The following COL5A3 variants were observed in gnomAD, a reference collection of about 807,000 sequenced individuals.
COL5A3 encodes the protein collagen alpha-3(V) chain.
In COL5A3, 172 loss-of-function variants were observed where a neutral mutation model predicts 250.0. The ratio of observed to expected loss-of-function variants is 0.69; its 90% CI spans 0.61 to 0.78. The LOEUF is 0.78. Ranked by LOEUF, COL5A3 falls within the 30% of genes least tolerant of loss-of-function variation. COL5A3 has a pLI of 0.00. For missense variants in COL5A3, 2,340 were observed against 2,334.4 expected, an observed-to-expected ratio of 1.00 and a Z score of -0.05; for synonymous variants, 937 against 900.4, an observed-to-expected ratio of 1.04 and a Z score of -0.73.
rs1295870303 is a variant in COL5A3 at position 10,010,475 on chromosome 19, G to A, written c.-90C>T. 16 of 855,894 alleles carry A rather than the reference G, an allele frequency of 1.9e-5. No individual in the cohort carries two copies. Among genetic ancestry groups the A allele is most frequent in the Non-Finnish European group, 2.4e-5 (15 of 621,992 alleles). The allele number at this position is 855,894 out of a possible 1,614,324, so 53.0% of individuals were successfully genotyped here. A position where few individuals can be genotyped will look rare whatever the true frequency, so the allele number is the denominator to read the frequency against. On this transcript the variant is annotated 5_prime_UTR_variant, in exon 1 of 67. Coordinates refer to ENST00000264828, the MANE Select transcript of COL5A3 (RefSeq NM_015719.4). ...CGGGCTCGGTGCAGTCACTCGCGGC[G>A]GCCGCTCCTCTCAGGGTCCGCGGGA...
At chr19:9,982,746 A>G (rs2087027972) in intron 31 of COL5A3, among the ~76,000 whole-genome samples, 1 of 152,182 alleles carries the variant, frequency 6.6e-6, no homozygotes, top group South Asian at 2.1e-4. Flanking sequence ...CAGAAAAGAC[A>G]GTTGCCCAAG....
intron 1 of COL5A3, 108 bp from the exon 2 acceptor site, chr19:10,006,339 C>G: frequency 9.2e-7 from 1 of 1,089,806 alleles, no homozygotes; most frequent in Non-Finnish European, 1.3e-6. Flanking sequence ...CTCAGCCTCT[C>G]CCTCCCTCCC....
chr19:10,008,259 C>T (rs2087470595), intron 1 of COL5A3, among the ~76,000 whole-genome samples: 1 of 152,190 alleles, frequency 6.6e-6, no homozygotes, highest in Admixed American at 6.5e-5. Context: ...GAGGGTCTTC[C>T]CTCAACTACC....
At chr19:9,971,316 A>G in intron 51 of COL5A3, 58 bp from the exon 52 acceptor site, 2 of 1,300,506 alleles carry the variant, frequency 1.5e-6, no homozygotes, top group South Asian at 1.4e-5. Flanking sequence ...TCATGCATTT[A>G]TGGAACAGAT....
At chr19:9,972,560 G>T (rs3745586) in intron 51 of COL5A3, among the ~76,000 whole-genome samples, 1 of 152,010 alleles carries the variant, frequency 6.6e-6, no homozygotes, top group Non-Finnish European at 1.5e-5. Context: ...AGTTTTGGCC[G>T]AGCGCGGTGG....
chr19:10,009,163 T>TG lies in COL5A3; in HGVS notation c.88+1134dup, dbSNP rs1791490176. Among the ~76,000 whole-genome samples, 1 of 34,734 alleles carries TG rather than the reference T, an allele frequency of 2.9e-5. No homozygotes were observed. Among genetic ancestry groups the TG allele is most frequent in the African/African-American group, 1.7e-4 (1 of 5,900 alleles). The allele number at this position is 34,734 out of a possible 152,430, so 22.8% of individuals were successfully genotyped here. ...CTCCAAAGTAAGAAGTGTGCTGTGG[T>TG]GTGTGTGTGTGTGTGTGTGTGTGTG... On this transcript the variant is annotated intron_variant, in intron 1 of 66. Coordinates refer to ENST00000264828, the MANE Select transcript of COL5A3 (RefSeq NM_015719.4). The surrounding 1 kb of genome is among the most constrained non-coding windows in gnomAD (Gnocchi z 4.4).
rs12611075 is a variant in COL5A3, at chr19:9,980,556, G to A, written c.2604+92C>T. 3.8e-3 allele frequency: 5,765 copies of A among 1,521,440 alleles called. 157 individuals are homozygous for A. The East Asian group carries it at 0.075, about 20-fold the overall frequency. The allele number at this position is 1,521,440 out of a possible 1,614,324, so 94.2% of individuals were successfully genotyped here. The stretch of plus-strand genomic sequence containing the variant: ...TGTGCTCTTACCACTGCATTATAAT[G>A]TCTCTTCATCTCTTGGGTTTGTCCT... On this transcript the variant is annotated intron_variant, in intron 35 of 66. Transcript: ENST00000264828.
At position 9,970,856 on chromosome 19, in the gene COL5A3, G is replaced by A. The variant is rs528401822; in HGVS notation, c.3882+119C>T. 367 of 1,101,166 alleles carry A rather than the reference G, an allele frequency of 3.3e-4. 4 individuals are homozygous for A. The East Asian group carries it at 4.4e-3, about 13-fold the overall frequency. The allele number at this position is 1,101,166 out of a possible 1,614,324, so 68.2% of individuals were successfully genotyped here. A position where few individuals can be genotyped will look rare whatever the true frequency, so the allele number is the denominator to read the frequency against. ...CTGGGGGTCCCCAGAGAGGTGAAGCGGGAGCATCTGCAGGGGCCTTGGGTA... is the reference window on the plus strand; with the variant it reads ...CTGGGGGTCCCCAGAGAGGTGAAGCAGGAGCATCTGCAGGGGCCTTGGGTA... On this transcript the variant is annotated intron_variant, in intron 53 of 66. Coordinates refer to ENST00000264828, the MANE Select transcript of COL5A3 (RefSeq NM_015719.4).
chr19:9,962,057 T>A (rs1173434046), intron 65 of COL5A3, among the ~76,000 whole-genome samples: 1 of 152,032 alleles, frequency 6.6e-6, no homozygotes, highest in East Asian at 1.9e-4. Context: ...ATGTAAAATC[T>A]CCATCAGATT....
At chr19:9,962,013 TA>T (rs1262437536) in intron 65 of COL5A3, among the ~76,000 whole-genome samples, 1 of 152,150 alleles carries the variant, frequency 6.6e-6, no homozygotes, top group Non-Finnish European at 1.5e-5. Flanking sequence ...ATATTCCCAA[TA>T]AAATTTAGCA....
At position 10,005,458 on chromosome 19, in the gene COL5A3, G is replaced by A. The variant is rs564295558; in HGVS notation, c.594+100C>T. 1.8e-4 allele frequency: 220 copies of A among 1,250,410 alleles called. No individual in the cohort carries two copies. The African/African-American group carries it at 2.9e-3, about 16-fold the overall frequency. The allele number at this position is 1,250,410 out of a possible 1,614,324, so 77.5% of individuals were successfully genotyped here. On this transcript the variant is annotated intron_variant, in intron 4 of 66. Coordinates refer to ENST00000264828, the MANE Select transcript of COL5A3 (RefSeq NM_015719.4). ...TCCCTTAGCTTCCTGGGGATAGATT[G>A]AAGCTTGACATCTTCCTTCTTTAAT...
intron 27 of COL5A3, 44 bp from the exon 28 acceptor site, chr19:9,986,802 A>G: frequency 6.2e-7 from 1 of 1,607,194 alleles, no homozygotes; most frequent in Non-Finnish European, 8.5e-7. Context: ...TTCCCTGCTT[A>G]AGAAGTGACC....
chr19:9,999,028 C>G (rs879390136), intron 8 of COL5A3, among the ~76,000 whole-genome samples: 15 of 131,534 alleles, frequency 1.1e-4, no homozygotes, highest in African/African-American at 4.2e-4. Flanking sequence ...CTTTCTTTCT[C>G]TTTCTTTTTC....
chr19:10,004,566 A>C (rs2087413565), intron 4 of COL5A3, among the ~76,000 whole-genome samples: 1 of 152,172 alleles, frequency 6.6e-6, no homozygotes, highest in Admixed American at 6.5e-5. Context: ...CCTGGCCTCA[A>C]GTGATCCACC....
In COL5A3 at chr19:9,974,177, C is replaced by T. The variant is rs1167130060; in HGVS notation, c.3498G>A (p.Gly1166=). Residue 1166 remains glycine, a synonymous_variant, in exon 47 of 67, where the codon GGG becomes GGA. Coordinates refer to ENST00000264828, the MANE Select transcript of COL5A3 (RefSeq NM_015719.4). ...PGEKGEVGDV[G]SMGPHGAPGP... ...TTCCTCTGGGAGTGCATACCATGGA[C>T]CCGACGTCTCCGACCTCCCCTTTCT... 1.2e-6 allele frequency: 2 copies of T among 1,613,902 alleles called. No homozygotes were observed. Among genetic ancestry groups the T allele is most frequent in the Admixed American group, 1.7e-5 (1 of 59,980 alleles).
Position 9,980,001 on chromosome 19 carries a change from C to G in COL5A3, c.2651G>C (p.Gly884Ala), listed in dbSNP as rs1420373934. 8.8e-6 allele frequency: 14 copies of G among 1,586,618 alleles called. No homozygotes were observed. Among genetic ancestry groups the G allele is most frequent in the Admixed American group, 4.0e-5 (2 of 50,252 alleles). ...QGPPGFPGPK[G>A]PPGHQGKDGR... ...GAGGGTGACCTCACTCACAGGGGGG[C>G]CCTTTGGCCCAGGGAATCCTGGAGG... is the stretch of plus-strand genomic sequence containing the variant. The change falls in exon 36 of 67, where the codon GGC (glycine) becomes GCC (alanine). Residue 884 changes from glycine (G) to alanine (A), a missense_variant. Gly to Ala is a moderately conservative substitution (Grantham distance 60, BLOSUM62 0). Transcript: ENST00000264828.
intron 51 of COL5A3, among the ~76,000 whole-genome samples, chr19:9,972,406 C>A (rs965074766): frequency 6.6e-6 from 1 of 152,182 alleles, no homozygotes; most frequent in Non-Finnish European, 1.5e-5. Flanking sequence ...TTCACTTGTC[C>A]ATTCATTAAT....
rs2145152999 is a variant in COL5A3, at chr19:10,009,329, C to G, written c.88+969G>C. Reference sequence around the variant, plus strand: ...GCCATCCCCTGACTCCCGAAGCGCCCCCCACTCTGAACCCTGAGGGGCGGG... The same window carrying G: ...GCCATCCCCTGACTCCCGAAGCGCCGCCCACTCTGAACCCTGAGGGGCGGG... On this transcript the variant is annotated intron_variant, in intron 1 of 66. Coordinates refer to ENST00000264828, the MANE Select transcript of COL5A3 (RefSeq NM_015719.4). This position sits in a 1 kb window ranked among gnomAD's most constrained non-coding sequence, Gnocchi z 4.4. Among the ~76,000 whole-genome samples the G allele has an allele frequency of 6.6e-6, 1 of 152,212 alleles. No homozygotes were observed. The highest frequency in any genetic ancestry group is 2.4e-5 in the African/African-American group (1 of 41,532).
intron 31 of COL5A3, among the ~76,000 whole-genome samples, chr19:9,985,027 C>T (rs950928724): frequency 2.1e-5 from 3 of 145,150 alleles, no homozygotes; most frequent in African/African-American, 7.8e-5. Flanking sequence ...TGGCTCACTG[C>T]AACCTCTGCC....
Sources: allele counts gnomAD v4.1 joint callset (sites outside exome capture counted in the v4.1 genomes callset), GRCh38; gene constraint gnomAD v4.1.1; non-coding constraint Gnocchi (gnomAD v3.1); transcripts MANE v1.5; gene names NCBI Gene and HGNC (gene_info 2026-07-23, HGNC 2026-07-21).